DPP10: variants seen among roughly 807,000 people sequenced by gnomAD.
DPP10 encodes dipeptidyl peptidase like 10.
DPP10 carries 33 observed loss-of-function variants against 120.9 expected under a neutral mutation model. That is an observed-to-expected ratio of 0.27 (90% CI 0.21 to 0.37). DPP10 has a LOEUF of 0.37. Among genes scored for constraint, DPP10 ranks in the 10% least tolerant of loss-of-function variants. The pLI is 1.00. For synonymous variants in DPP10, 337 were observed against 326.1 expected (o/e 1.03, Z -0.36); for missense variants, 816 against 942.8 (o/e 0.87, Z 1.76).
chr2:115,192,795 C>G (rs1338243384), intron 1 of DPP10, among the ~76,000 whole-genome samples: 1 of 151,426 alleles, frequency 6.6e-6, no homozygotes, highest in Non-Finnish European at 1.5e-5. Context: ...TCTTTTTAAC[C>G]CTTTATAATT....
chr2:115,223,987 A>T (rs2057309637), intron 1 of DPP10, among the ~76,000 whole-genome samples: 1 of 152,162 alleles, frequency 6.6e-6, no homozygotes, highest in African/African-American at 2.4e-5. Context: ...CACTTAAATT[A>T]TTCAATAAAA....
At chr2:115,377,431 C>T (rs1469187572) in intron 3 of DPP10, among the ~76,000 whole-genome samples, 3 of 152,056 alleles carry the variant, frequency 2.0e-5, no homozygotes, top group South Asian at 4.2e-4. Context: ...TGTTTAAGTT[C>T]ATTGTACATT....
At chr2:115,469,892 A>G (rs1401084512) in intron 3 of DPP10, among the ~76,000 whole-genome samples, 2 of 148,648 alleles carry the variant, frequency 1.3e-5, no homozygotes, top group African/African-American at 4.9e-5. Flanking sequence ...GAGAAAAAAA[A>G]AAAAAAAGAA....
intron 5 of DPP10, among the ~76,000 whole-genome samples, chr2:115,603,570 G>GTTTTTTTTTTTTTTTTTT (rs61548055): frequency 4.0e-5 from 4 of 99,296 alleles, no homozygotes; most frequent in Admixed American, 1.1e-4. Flanking sequence ...GTTTTTTTTT[G>GTTTTTTTTTTTTTTTTTT]TTTTTTTTTT....
chr2:114,798,867 G>A (rs1456369282), intron 1 of DPP10, among the ~76,000 whole-genome samples: 5 of 152,072 alleles, frequency 3.3e-5, no homozygotes, highest in East Asian at 1.9e-4. Flanking sequence ...GGTTGCTCAC[G>A]CCTGTAATCC....
intron 1 of DPP10, among the ~76,000 whole-genome samples, chr2:114,681,422 C>G (rs954245197): frequency 1.3e-5 from 2 of 151,922 alleles, no homozygotes; most frequent in African/African-American, 4.8e-5. Context: ...TTGATATTTT[C>G]TACTCTTAAA....
intron 7 of DPP10, among the ~76,000 whole-genome samples, chr2:115,697,662 A>G (rs1301911408): frequency 6.6e-6 from 1 of 152,046 alleles, no homozygotes; most frequent in East Asian, 1.9e-4. Context: ...AAAACCAGAG[A>G]GAAGATAATT....
At chr2:114,988,166 A>G (rs1282939083) in intron 1 of DPP10, among the ~76,000 whole-genome samples, 1 of 152,118 alleles carries the variant, frequency 6.6e-6, no homozygotes, top group African/African-American at 2.4e-5. Context: ...CTGGCGCAGT[A>G]CTCAAAAAGT....
intron 1 of DPP10, chr2:115,144,067 T>A (rs2051078937): frequency 6.6e-6 from 1 of 152,210 alleles, no homozygotes; most frequent in Non-Finnish European, 1.5e-5. Flanking sequence ...CTTGCTTTAT[T>A]TTTCAACATT....
At chr2:115,406,694 A>G (rs1307763560) in intron 3 of DPP10, among the ~76,000 whole-genome samples, 5 of 152,200 alleles carry the variant, frequency 3.3e-5, no homozygotes, top group African/African-American at 2.4e-5. Flanking sequence ...TACTAGTTAT[A>G]AAGAGGGATC....
chr2:114,565,076 A>C (rs779633157), intron 1 of DPP10, among the ~76,000 whole-genome samples: 1 of 152,180 alleles, frequency 6.6e-6, no homozygotes, highest in Non-Finnish European at 1.5e-5. Flanking sequence ...AGCCTCCTCT[A>C]AGCTCAGTGG....
chr2:115,819,197 A>G (rs550936754), intron 21 of DPP10, among the ~76,000 whole-genome samples: 19 of 152,360 alleles, frequency 1.2e-4, no homozygotes, highest in Middle Eastern at 3.4e-3. Flanking sequence ...GTGTGGGATT[A>G]AACATTTAAT....
At chr2:114,957,700 A>G (rs766317052) in intron 1 of DPP10, among the ~76,000 whole-genome samples, 2 of 152,226 alleles carry the variant, frequency 1.3e-5, no homozygotes, top group African/African-American at 2.4e-5. Context: ...ACCTAAGTGT[A>G]CATCGAAGAA....
intron 1 of DPP10, among the ~76,000 whole-genome samples, chr2:115,253,590 TA>T (rs1344274007): frequency 6.6e-6 from 1 of 152,100 alleles, no homozygotes; most frequent in Non-Finnish European, 1.5e-5. Flanking sequence ...AGAAACTGGC[TA>T]AAAGAAAGGG....
At chr2:114,609,014 G>A (rs569288203) in intron 1 of DPP10, among the ~76,000 whole-genome samples, 9 of 152,112 alleles carry the variant, frequency 5.9e-5, no homozygotes, top group South Asian at 2.1e-4. Flanking sequence ...GGTAGCAAAC[G>A]TGTGCATATA....
intron 3 of DPP10, among the ~76,000 whole-genome samples, chr2:115,489,824 C>T (rs975788734): frequency 3.3e-5 from 5 of 152,096 alleles, no homozygotes; most frequent in African/African-American, 9.7e-5. Context: ...TTTCCCAAGC[C>T]TTTCCCAGAT....
In DPP10 at chr2:115,137,933, A is replaced by ATTTCTCTGTGT. The variant is rs1475175770; in HGVS notation, c.61-171306_61-171305insTTTCTCTGTGT. Among the ~76,000 whole-genome samples the ATTTCTCTGTGT allele has an allele frequency of 7.3e-4, 111 of 152,308 alleles. 2 individuals carry two copies. Among genetic ancestry groups the ATTTCTCTGTGT allele is most frequent in the African/African-American group, 2.5e-3 (104 of 41,572 alleles). ...TTGGCTAAGACAGCTTTACACAGAGAAATGAAGGTCATCAGCATAAAGACA... is the reference window on the plus strand; with the variant it reads ...TTGGCTAAGACAGCTTTACACAGAGATTTCTCTGTGTAATGAAGGTCATCAGCATAAAGACA... On this transcript the variant is annotated intron_variant, in intron 1 of 25. Transcript: ENST00000410059.
intron 1 of DPP10, among the ~76,000 whole-genome samples, chr2:114,820,218 C>T (rs1054639767): frequency 6.6e-5 from 10 of 152,162 alleles, no homozygotes; most frequent in African/African-American, 2.4e-4. Context: ...AACAACATCT[C>T]ATGAGATAAT....
intron 1 of DPP10, among the ~76,000 whole-genome samples, chr2:114,641,731 A>T (rs901802581): frequency 1.3e-5 from 2 of 152,002 alleles, no homozygotes; most frequent in African/African-American, 4.9e-5. Context: ...TTAACCATGT[A>T]AATGCTCAAT....
Sources: allele counts gnomAD v4.1 joint callset (sites outside exome capture counted in the v4.1 genomes callset), GRCh38; gene constraint gnomAD v4.1.1; transcripts MANE v1.5; gene names NCBI Gene and HGNC (gene_info 2026-07-23, HGNC 2026-07-21).